HCRTR2: variants seen among roughly 807,000 people sequenced by gnomAD.
The protein encoded by HCRTR2 is orexin receptor type 2.
HCRTR2 carries 22 observed loss-of-function variants against 49.0 expected under a neutral mutation model. The observed-to-expected ratio is 0.45, with a 90% CI of 0.32 to 0.64. HCRTR2 has a LOEUF of 0.64. Ranked by LOEUF, HCRTR2 falls within the 30% of genes least tolerant of loss-of-function variation. HCRTR2 has a pLI of 0.04. For missense variants in HCRTR2, 491 were observed against 559.4 expected (o/e 0.88, Z 1.23); for synonymous variants, 236 against 205.3 (o/e 1.15, Z -1.28).
intron 6 of HCRTR2, among the ~76,000 whole-genome samples, chr6:55,281,326 G>A (rs1256170851): frequency 1.3e-5 from 2 of 152,110 alleles, no homozygotes; most frequent in Admixed American, 1.3e-4. Flanking sequence ...AAAAAATCTA[G>A]CACAATGACT....
intron 1 of HCRTR2, among the ~76,000 whole-genome samples, chr6:55,151,669 C>T (rs1264051433): frequency 2.6e-5 from 4 of 151,966 alleles, no homozygotes; most frequent in Non-Finnish European, 5.9e-5. Flanking sequence ...ACCCACGAAT[C>T]ACAAATGTTC....
chr6:55,145,965 T>C (rs552383464), intron 1 of HCRTR2, among the ~76,000 whole-genome samples: 1 of 152,182 alleles, frequency 6.6e-6, no homozygotes, highest in Non-Finnish European at 1.5e-5. Context: ...ATATTCCTTT[T>C]TTTTTTCTCT....
chr6:55,134,551 G>A (rs1441123941), intron 1 of HCRTR2, among the ~76,000 whole-genome samples: 2 of 151,668 alleles, frequency 1.3e-5, no homozygotes, highest in East Asian at 3.9e-4. Flanking sequence ...TAGTCACTAT[G>A]CTATATATTA....
Position 55,277,606 on chromosome 6 carries a change from A to T in HCRTR2, c.983+6A>T, listed in dbSNP as rs201512516. The T allele has an allele frequency of 1.3e-6, 2 of 1,591,878 alleles. No homozygotes were observed. ...ATCCTCAATGTGCTAAAGAGGTAAA[A>T]CTTATCTGTTATTTGAAAATGAAAT... On this transcript the variant is annotated splice_donor_region_variant and intron_variant, in intron 5 of 6. Coordinates refer to ENST00000370862, the MANE Select transcript of HCRTR2 (RefSeq NM_001384272.1).
At chr6:55,173,505 T>A (rs79457342), upstream of HCRTR2, among the ~76,000 whole-genome samples, 1,136 of 152,286 alleles carry the variant, frequency 7.5e-3, 11 homozygotes, top group African/African-American at 0.024. Context: ...CTAGAATACT[T>A]ATTATTAGAG....
At chr6:55,153,429 G>T (rs1764688550) in intron 1 of HCRTR2, among the ~76,000 whole-genome samples, 1 of 151,946 alleles carries the variant, frequency 6.6e-6, no homozygotes, top group Non-Finnish European at 1.5e-5. Flanking sequence ...AGACAATTGT[G>T]TAACACAATG....
intron 1 of HCRTR2, among the ~76,000 whole-genome samples, chr6:55,123,134 AAAT>A (rs1378435216): frequency 2.6e-5 from 4 of 151,682 alleles, no homozygotes; most frequent in Admixed American, 2.6e-4. Flanking sequence ...TATATATATA[AAAT>A]AATAATAAAA....
Position 55,248,641 on chromosome 6 carries a change from T to C in HCRTR2, c.226T>C (p.Cys76Arg). ...ATTCCTTTTTCTTTTCAAATTAGTT[T>C]GTGTGGCAGTGTGGAAGAACCACCA... The part of the protein sequence containing the change: ...VVALIGNVLV[C>R]VAVWKNHHMR... Residue 76 changes from cysteine to arginine, a missense_variant and splice_region_variant, in exon 2 of 7, where the codon TGT becomes CGT. Cys to Arg is a radical substitution (Grantham distance 180). Transcript: ENST00000370862. 1 of 1,612,222 alleles carries C rather than the reference T, an allele frequency of 6.2e-7. No homozygotes were observed. The highest frequency in any genetic ancestry group is 8.5e-7 in the Non-Finnish European group (1 of 1,178,422).
intron 1 of HCRTR2, among the ~76,000 whole-genome samples, chr6:55,185,671 C>T (rs1467622378): frequency 7.3e-6 from 1 of 137,318 alleles, no homozygotes; most frequent in Non-Finnish European, 1.7e-5. Context: ...TTCCCAAATT[C>T]AGGACATATT....
chr6:55,145,393 GT>G (rs35527135), intron 1 of HCRTR2, among the ~76,000 whole-genome samples: 46,581 of 136,106 alleles, frequency 0.34, 7,937 homozygotes, highest in Middle Eastern at 0.52. Context: ...AACATTCTTT[GT>G]TTTTTTTTTT....
chr6:55,249,137 A>G (rs1766502746), intron 2 of HCRTR2, among the ~76,000 whole-genome samples: 1 of 152,128 alleles, frequency 6.6e-6, no homozygotes, highest in Non-Finnish European at 1.5e-5. Flanking sequence ...GATTTTGCGC[A>G]AACTTTTTTG....
chr6:55,175,389 C>T (rs1765021530), intron 1 of HCRTR2, among the ~76,000 whole-genome samples: 1 of 152,060 alleles, frequency 6.6e-6, no homozygotes, highest in Admixed American at 6.6e-5. Context: ...AGTGCACTCA[C>T]TCATAGAAGC....
rs192403180 is a variant in HCRTR2, at chr6:55,125,775, C to A, written c.-378+19230C>A. Among the ~76,000 whole-genome samples the A allele has an allele frequency of 1.2e-4, 18 of 152,150 alleles. No individual in the cohort carries two copies. The East Asian group carries it at 3.5e-3, about 29-fold the overall frequency. Reference sequence around the variant, plus strand: ...CAATAGAACGTATGTTTGGTCTTTTCACATAGTCCCATATTTCTTGGAGGC... The same window carrying A: ...CAATAGAACGTATGTTTGGTCTTTTAACATAGTCCCATATTTCTTGGAGGC... On this transcript the variant is annotated intron_variant, in intron 1 of 7. Coordinates refer to the HCRTR2 transcript ENST00000615358.
intron 5 of HCRTR2, 142 bp downstream of exon 5, chr6:55,277,742 G>T: frequency 1.4e-6 from 1 of 690,732 alleles, no homozygotes; most frequent in Non-Finnish European, 2.5e-6. Context: ...ACTCAGTTAT[G>T]TTGTTACCAG....
intron 5 of HCRTR2, among the ~76,000 whole-genome samples, chr6:55,277,971 A>C (rs1767110736): frequency 6.6e-6 from 1 of 152,214 alleles, no homozygotes; most frequent in African/African-American, 2.4e-5. Context: ...CGTTTCCAAA[A>C]ACATAGGCAA....
At chr6:55,258,474 A>G (rs1265417683) in intron 3 of HCRTR2, among the ~76,000 whole-genome samples, 1 of 152,176 alleles carries the variant, frequency 6.6e-6, no homozygotes, top group Non-Finnish European at 1.5e-5. Flanking sequence ...AGCAATATGT[A>G]ATTATATATG....
At chr6:55,203,080 C>A (rs1427820350) in intron 1 of HCRTR2, among the ~76,000 whole-genome samples, 1 of 152,146 alleles carries the variant, frequency 6.6e-6, no homozygotes, top group Non-Finnish European at 1.5e-5. Context: ...ACCGTTACAT[C>A]AAATTAGAAC....
intron 3 of HCRTR2, among the ~76,000 whole-genome samples, chr6:55,260,816 C>T (rs1766740073): frequency 6.6e-6 from 1 of 152,100 alleles, no homozygotes; most frequent in Non-Finnish European, 1.5e-5. Context: ...TAAATATTAT[C>T]TATTATTATG....
chr6:55,168,083 A>T (rs1158209273), intron 1 of HCRTR2, among the ~76,000 whole-genome samples: 1 of 152,212 alleles, frequency 6.6e-6, no homozygotes, highest in Non-Finnish European at 1.5e-5. Flanking sequence ...GGCCTGATCA[A>T]CAAGTAGTGA....
Sources: gnomAD v4.1 joint callset for allele counts (sites outside exome capture counted in the v4.1 genomes callset) on GRCh38, gnomAD v4.1.1 for gene constraint, MANE v1.5 for transcripts, NCBI Gene and HGNC (gene_info 2026-07-23, HGNC 2026-07-21) for gene names.